Variants in KCNIP4 observed in about 807,000 individuals in gnomAD.
The protein encoded by KCNIP4 is Kv channel-interacting protein 4.
A neutral mutation model predicts 34.0 loss-of-function variants in KCNIP4; 12 were observed. The observed-to-expected ratio is 0.35, with a 90% CI of 0.23 to 0.57. The LOEUF (loss-of-function observed/expected upper bound fraction) is 0.57, where lower values mean the gene tolerates loss of function less well. Ranked by LOEUF, KCNIP4 falls within the 20% of genes least tolerant of loss-of-function variation. The pLI, the probability that KCNIP4 is intolerant of heterozygous loss-of-function variation, is 0.83. For missense variants in KCNIP4, 238 were observed against 311.7 expected (o/e 0.76, Z 1.78); for synonymous variants, 124 against 102.2 (o/e 1.21, Z -1.29).
At chr4:21,332,033 C>T (rs1264644909) in intron 1 of KCNIP4, among the ~76,000 whole-genome samples, 1 of 152,110 alleles carries the variant, frequency 6.6e-6, no homozygotes, top group East Asian at 1.9e-4. Context: ...CAACATCCAG[C>T]AGTTTAATAG....
At chr4:21,679,351 T>C (rs1248157631) in intron 1 of KCNIP4, among the ~76,000 whole-genome samples, 2 of 152,226 alleles carry the variant, frequency 1.3e-5, no homozygotes, top group African/African-American at 4.8e-5. Context: ...TAAGATCTTT[T>C]GTTTATGGAT....
At chr4:21,288,481 A>G (rs779136406) in intron 1 of KCNIP4, among the ~76,000 whole-genome samples, 12 of 152,232 alleles carry the variant, frequency 7.9e-5, no homozygotes, top group Non-Finnish European at 1.8e-4. Flanking sequence ...GTTATGAAAA[A>G]GAATAAGAAC....
chr4:21,644,203 G>C (rs1432961675), intron 1 of KCNIP4, among the ~76,000 whole-genome samples: 1 of 151,982 alleles, frequency 6.6e-6, no homozygotes, highest in African/African-American at 2.4e-5. Context: ...AGTCAGTTTG[G>C]ATTCTACAAT....
chr4:21,335,071 C>T (rs990283261), intron 1 of KCNIP4, among the ~76,000 whole-genome samples: 8 of 152,026 alleles, frequency 5.3e-5, no homozygotes, highest in African/African-American at 1.7e-4. Context: ...TGAAAGACCC[C>T]AGTGCAACTT....
At chr4:21,325,320 C>G (rs1221133581) in intron 1 of KCNIP4, among the ~76,000 whole-genome samples, 1 of 151,544 alleles carries the variant, frequency 6.6e-6, no homozygotes, top group Non-Finnish European at 1.5e-5. Context: ...CTTTGTGGTT[C>G]AATCTAGTAG....
chr4:21,627,124 TC>T (rs1745396126), intron 1 of KCNIP4, among the ~76,000 whole-genome samples: 1 of 152,182 alleles, frequency 6.6e-6, no homozygotes, highest in Admixed American at 6.6e-5. Flanking sequence ...AATAACAAAT[TC>T]TTTTGCAAAA....
chr4:21,726,794 G>A (rs1300869558), intron 1 of KCNIP4, among the ~76,000 whole-genome samples: 4 of 152,264 alleles, frequency 2.6e-5, no homozygotes, highest in South Asian at 4.1e-4. Context: ...CCGACACAAA[G>A]TAGATAAGCA....
chr4:21,896,263 C>T (rs115182013), intron 1 of KCNIP4, among the ~76,000 whole-genome samples: 1 of 152,264 alleles, frequency 6.6e-6, no homozygotes, highest in African/African-American at 2.4e-5. Flanking sequence ...AGAGAAAAGA[C>T]ATTGAACCCT....
intron 1 of KCNIP4, among the ~76,000 whole-genome samples, chr4:21,121,007 G>A (rs898311055): frequency 1.3e-5 from 2 of 152,212 alleles, no homozygotes; most frequent in East Asian, 3.9e-4. Flanking sequence ...AGGAAGCTGA[G>A]TGTGTGACAG....
At chr4:20,940,595 T>C (rs1242665429) in intron 1 of KCNIP4, among the ~76,000 whole-genome samples, 2 of 152,214 alleles carry the variant, frequency 1.3e-5, no homozygotes, top group African/African-American at 4.8e-5. Flanking sequence ...ATTTCTTGTG[T>C]AGTAATTTCC....
chr4:21,832,724 A>T (rs578147799), intron 1 of KCNIP4, among the ~76,000 whole-genome samples: 1 of 133,610 alleles, frequency 7.5e-6, no homozygotes, highest in African/African-American at 2.9e-5. Flanking sequence ...ATATCTCCCA[A>T]TGCTATCCCT....
chr4:21,785,761 T>C (rs1176182675), intron 1 of KCNIP4, among the ~76,000 whole-genome samples: 2 of 152,222 alleles, frequency 1.3e-5, no homozygotes, highest in East Asian at 3.9e-4. Flanking sequence ...TTCTTTCACT[T>C]AGCACACATT....
intron 1 of KCNIP4, among the ~76,000 whole-genome samples, chr4:21,878,394 G>C (rs1040136781): frequency 9.2e-5 from 14 of 152,138 alleles, no homozygotes; most frequent in Non-Finnish European, 2.9e-5. Flanking sequence ...TTGATTTGAA[G>C]ATCACTGTGT....
intron 1 of KCNIP4, among the ~76,000 whole-genome samples, chr4:21,751,898 G>T (rs1167029443): frequency 6.6e-6 from 1 of 152,090 alleles, no homozygotes; most frequent in East Asian, 1.9e-4. Flanking sequence ...TGAACTCCAA[G>T]GAAAAGAAGT....
intron 1 of KCNIP4, among the ~76,000 whole-genome samples, chr4:21,748,652 G>T (rs1716941335): frequency 6.6e-6 from 1 of 152,088 alleles, no homozygotes; most frequent in Non-Finnish European, 1.5e-5. Flanking sequence ...AATTATTAGG[G>T]ATGTTTTGGA....
intron 1 of KCNIP4, among the ~76,000 whole-genome samples, chr4:21,439,214 G>C (rs1727230232): frequency 6.6e-6 from 1 of 150,814 alleles, no homozygotes; most frequent in Admixed American, 6.6e-5. Context: ...GGAGGTCCTT[G>C]TCTGGCCATC....
intron 1 of KCNIP4, among the ~76,000 whole-genome samples, chr4:21,375,683 C>G (rs1720895989): frequency 6.6e-6 from 1 of 151,942 alleles, no homozygotes; most frequent in Non-Finnish European, 1.5e-5. Flanking sequence ...TGTCTTGCCT[C>G]AGCCTCCCGA....
At chr4:20,835,938 C>T (rs1718985709) in intron 3 of KCNIP4, among the ~76,000 whole-genome samples, 1 of 152,130 alleles carries the variant, frequency 6.6e-6, no homozygotes, top group African/African-American at 2.4e-5. Context: ...AGATTAAATA[C>T]TTTCACTTCT....
At chr4:21,341,948 A>T (rs767862134) in intron 1 of KCNIP4, among the ~76,000 whole-genome samples, 9 of 152,140 alleles carry the variant, frequency 5.9e-5, no homozygotes, top group Non-Finnish European at 1.3e-4. Flanking sequence ...TGCAATCAAC[A>T]AGGTGCTATT....
Sources: gnomAD v4.1 joint callset for allele counts (sites outside exome capture counted in the v4.1 genomes callset) on GRCh38, gnomAD v4.1.1 for gene constraint, MANE v1.5 for transcripts, NCBI Gene and HGNC (gene_info 2026-07-23, HGNC 2026-07-21) for gene names.